ARMC9: variants seen among roughly 807,000 people sequenced by gnomAD.
ARMC9 encodes lisH domain-containing protein ARMC9.
In ARMC9, 94 loss-of-function variants were observed where a neutral mutation model predicts 107.0. The observed-to-expected ratio is 0.88, with a 90% CI of 0.74 to 1.04. The LOEUF (loss-of-function observed/expected upper bound fraction) is 1.04. Ranked by LOEUF, ARMC9 falls within the 50% of genes least tolerant of loss-of-function variation. The probability of loss-of-function intolerance (pLI) is 0.00; values close to 1 mark genes in which losing one functional copy is unlikely to be tolerated. For missense variants in ARMC9, 942 were observed against 1,030.1 expected (o/e 0.91, Z 1.17); for synonymous variants, 380 against 396.9 (o/e 0.96, Z 0.51).
rs904423308 is a variant in ARMC9, at chr2:231,360,099, A to G, written c.2132-655A>G. On this transcript the variant is annotated intron_variant, in intron 22 of 24. Coordinates refer to ENST00000611582, the MANE Select transcript of ARMC9 (RefSeq NM_001352754.2). The surrounding 1 kb of genome is among the most constrained non-coding windows in gnomAD (Gnocchi z 4.7). ...AAGGGGTGCGTGGCATCTGAGATGC[A>G]GGAACATCTGTTCCCAGGCCCTTGG... is the stretch of plus-strand genomic sequence containing the variant. Among the ~76,000 whole-genome samples the G allele has an allele frequency of 6.6e-6, 1 of 152,008 alleles. No individual in the cohort carries two copies. Among genetic ancestry groups the G allele is most frequent in the African/African-American group, 2.4e-5 (1 of 41,386 alleles).
At chr2:231,282,001 T>A (rs966720792) in intron 16 of ARMC9, 58 bp from the exon 17 acceptor site, 1 of 1,516,152 alleles carries the variant, frequency 6.6e-7, no homozygotes, top group Non-Finnish European at 9.2e-7. Context: ...GTGTTTGATA[T>A]AGAGTTGTGC....
At position 231,372,731 on chromosome 2, in the gene ARMC9, TGTGTGTGTGTGTGTGTGTGTGTGTATGA is replaced by T. The variant is rs57618896; in HGVS notation, c.*1201_*1228del. On this transcript the variant is annotated 3_prime_UTR_variant, in exon 25 of 25. Transcript: ENST00000611582. ...GTGTGTGTGTGTGTGTGTGTGTGTG[TGTGTGTGTGTGTGTGTGTGTGTGTATGA>T]GTGTATGAAGGGAAATGGAAAGCAG... 0.12 allele frequency: 17,074 copies of T among 137,146 alleles called. 1,656 individuals are homozygous for T. The highest frequency in any genetic ancestry group is 0.38 in the African/African-American group (10,604 of 28,136). The allele number at this position is 137,146 out of a possible 1,614,324, so 8.5% of individuals were successfully genotyped here. A position where few individuals can be genotyped will look rare whatever the true frequency, so the allele number is the denominator to read the frequency against.
intron 13 of ARMC9, among the ~76,000 whole-genome samples, chr2:231,271,519 ACT>A (rs2039326902): frequency 6.6e-6 from 1 of 152,264 alleles, no homozygotes; most frequent in South Asian, 2.1e-4. Context: ...GGATTTGAAA[ACT>A]CTGAAAATAA....
intron 23 of ARMC9, among the ~76,000 whole-genome samples, chr2:231,364,671 G>A (rs1019710115): frequency 2.0e-5 from 3 of 152,102 alleles, no homozygotes; most frequent in Non-Finnish European, 2.9e-5. Context: ...GGTGGTGCAT[G>A]CCTGTAATCC....
chr2:231,282,104 C>G lies in ARMC9; in HGVS notation c.1597C>G (p.Pro533Ala), dbSNP rs768230466. ...NGALYSILSV[P>A]SIREEARAMG... ...AGCTCTGTACAGCATCCTTTCTGTTCCATCCATTCGTGAGGAAGCAAGAGC... is the reference window on the plus strand; with the variant it reads ...AGCTCTGTACAGCATCCTTTCTGTTGCATCCATTCGTGAGGAAGCAAGAGC... Residue 533 changes from proline (P) to alanine (A), a missense_variant, in exon 17 of 25, where the codon CCA (proline) becomes GCA (alanine). Physicochemically the swap from Pro to Ala is conservative, Grantham distance 27 (BLOSUM62 -1). Transcript: ENST00000611582. The G allele has an allele frequency of 2.2e-5, 36 of 1,614,088 alleles. No homozygotes were observed. The highest frequency in any genetic ancestry group is 2.7e-5 in the Non-Finnish European group (32 of 1,180,000).
rs552899950 is a variant in ARMC9 at position 231,331,337 on chromosome 2, C to T, written c.1774-456C>T. On this transcript the variant is annotated intron_variant, in intron 19 of 24. Coordinates refer to ENST00000611582, the MANE Select transcript of ARMC9 (RefSeq NM_001352754.2). ...CCACTGGGTCTTCCCAGAAGCAGAACGGTGCTGCCCTTTTTGCTGAGTCTT... is the reference window on the plus strand; with the variant it reads ...CCACTGGGTCTTCCCAGAAGCAGAATGGTGCTGCCCTTTTTGCTGAGTCTT... Among the ~76,000 whole-genome samples the T allele has an allele frequency of 8.5e-5, 13 of 152,320 alleles. 1 individual carries two copies. The South Asian group carries it at 1.2e-3, about 15-fold the overall frequency.
At chr2:231,227,405 T>G (rs912333660) in intron 7 of ARMC9, among the ~76,000 whole-genome samples, 1 of 152,220 alleles carries the variant, frequency 6.6e-6, no homozygotes, top group African/African-American at 2.4e-5. Flanking sequence ...GATACTACGT[T>G]TTGACAGCTG....
intron 4 of ARMC9, 68 bp from the exon 5 acceptor site, chr2:231,216,570 G>A: frequency 6.5e-7 from 1 of 1,529,910 alleles, no homozygotes; most frequent in Non-Finnish European, 8.9e-7. Flanking sequence ...CTCAGAGAGA[G>A]GATGGGGTGA....
chr2:231,267,939 A>G (rs899748032), intron 12 of ARMC9, among the ~76,000 whole-genome samples: 1 of 152,240 alleles, frequency 6.6e-6, no homozygotes, highest in Non-Finnish European at 1.5e-5. Flanking sequence ...CTGCAGTTCT[A>G]GAACCAAAAC....
chr2:231,355,830 C>G lies in ARMC9; in HGVS notation c.2027C>G (p.Ala676Gly), dbSNP rs1464538016. 1 of 1,536,096 alleles carries G rather than the reference C, an allele frequency of 6.5e-7. No homozygotes were observed. Among genetic ancestry groups the G allele is most frequent in the Non-Finnish European group, 8.7e-7 (1 of 1,146,886 alleles). The change falls in exon 22 of 25, where the codon GCC becomes GGC. Residue 676 changes from alanine to glycine, a missense_variant. Transcript: ENST00000611582. ...GACCAACACACACCTCCCCAGACAG[C>G]CCAGCACGCCAGAAACGGCCACCCG... ...VEDQHTPPQT[A>G]QHARNGHPQA...
chr2:231,367,491 G>A (rs954545393), intron 23 of ARMC9, among the ~76,000 whole-genome samples: 10 of 152,132 alleles, frequency 6.6e-5, no homozygotes, highest in African/African-American at 2.2e-4. Flanking sequence ...GGTGCTGGCC[G>A]CCCTGTCCCC....
Position 231,355,871 on chromosome 2 carries a change from G to T in ARMC9, c.2068G>T (p.Ala690Ser), listed in dbSNP as rs767069680. The part of the protein sequence containing the change: ...RNGHPQALPA[A>S]HEAVYREGKP... The stretch of plus-strand genomic sequence containing the variant: ...CGGCCACCCGCAGGCCCTGCCAGCC[G>T]CTCACGAGGCTGTCTACAGGGAGGG... Residue 690 changes from alanine to serine, a missense_variant, in exon 22 of 25, where the codon GCT becomes TCT. Coordinates refer to ENST00000611582, the MANE Select transcript of ARMC9 (RefSeq NM_001352754.2). 6.5e-7 allele frequency: 1 copy of T among 1,536,112 alleles called. No homozygotes were observed. Among genetic ancestry groups the T allele is most frequent in the African/African-American group, 1.4e-5 (1 of 73,170 alleles).
At position 231,331,906 on chromosome 2, in the gene ARMC9, C is replaced by T. The variant is rs1553630210; in HGVS notation, c.1878+9C>T. The T allele has an allele frequency of 6.2e-7, 1 of 1,602,674 alleles. No homozygotes were observed. The highest frequency in any genetic ancestry group is 1.7e-5 in the Admixed American group (1 of 59,784). ...CCACGGAGTACCTGGGGGTAAGTGC[C>T]ACACAAAGGGTGGGGATCCTGAAAC... On this transcript the variant is annotated intron_variant, in intron 20 of 24. Coordinates refer to ENST00000611582, the MANE Select transcript of ARMC9 (RefSeq NM_001352754.2).
intron 7 of ARMC9, among the ~76,000 whole-genome samples, chr2:231,230,275 A>G (rs1401650733): frequency 1.3e-5 from 2 of 151,928 alleles, no homozygotes; most frequent in African/African-American, 4.8e-5. Context: ...AGATGGAAGG[A>G]TGGTTTGAGC....
intron 19 of ARMC9, among the ~76,000 whole-genome samples, chr2:231,329,820 G>GT (rs1220552522): frequency 6.6e-6 from 1 of 152,074 alleles, no homozygotes; most frequent in East Asian, 1.9e-4. Context: ...TTCTAGGAGG[G>GT]TTTTTTGTGT....
At chr2:231,370,644 G>A (rs1171773044) in intron 24 of ARMC9, 2 of 159,860 alleles carry the variant, frequency 1.3e-5, no homozygotes, top group African/African-American at 4.8e-5. Flanking sequence ...CCTGAAGATG[G>A]GATGGGCCCA....
intron 23 of ARMC9, among the ~76,000 whole-genome samples, chr2:231,364,015 C>T (rs1165254911): frequency 2.7e-5 from 4 of 150,426 alleles, no homozygotes; most frequent in African/African-American, 7.3e-5. Flanking sequence ...CAGGATAAAA[C>T]GAATGTTGAC....
Position 231,208,212 on chromosome 2 carries a change from TA to T in ARMC9, c.138del (p.Gly47AlafsTer10), listed in dbSNP as rs773553640. On this transcript the variant is annotated frameshift_variant, in exon 3 of 25. Coordinates refer to ENST00000611582, the MANE Select transcript of ARMC9 (RefSeq NM_001352754.2). LOFTEE classifies it high-confidence loss of function. Reference protein sequence around the residue: ...KIKGKPLCKTVGGSFRDSKSL... With the variant: ...KIKGKPLCKTXGGSFRDSKSL... ...AAAGGAAAACCATTGTGTAAAACAGTAGGCGGATCTTTCAGAGACTCCAAAT... is the reference window on the plus strand; with the variant it reads ...AAAGGAAAACCATTGTGTAAAACAGTGGCGGATCTTTCAGAGACTCCAAAT... 6.2e-7 allele frequency: 1 copy of T among 1,610,998 alleles called. No homozygotes were observed. The highest frequency in any genetic ancestry group is 1.1e-5 in the South Asian group (1 of 90,154).
At chr2:231,310,778 A>G (rs1233634243) in intron 19 of ARMC9, among the ~76,000 whole-genome samples, 1 of 151,692 alleles carries the variant, frequency 6.6e-6, no homozygotes, top group Admixed American at 6.6e-5. Context: ...ATCTGCTGCT[A>G]GGGGCAGTCC....
Sources: allele counts gnomAD v4.1 joint callset (sites outside exome capture counted in the v4.1 genomes callset), GRCh38; gene constraint gnomAD v4.1.1; non-coding constraint Gnocchi (gnomAD v3.1); transcripts MANE v1.5; gene names NCBI Gene and HGNC (gene_info 2026-07-23, HGNC 2026-07-21).